Variants in PDE1A observed in about 807,000 individuals in gnomAD.
PDE1A encodes the protein phosphodiesterase 1A.
PDE1A carries 35 observed loss-of-function variants against 61.7 expected under a neutral mutation model. The observed-to-expected ratio is 0.57, with a 90% CI of 0.43 to 0.75. PDE1A has a LOEUF of 0.75. Among genes scored for constraint, PDE1A ranks in the 30% least tolerant of loss-of-function variants. The probability of loss-of-function intolerance (pLI) is 0.00; values close to 1 mark genes in which losing one functional copy is unlikely to be tolerated. For missense variants in PDE1A, 597 were observed against 630.6 expected (o/e 0.95, Z 0.57); for synonymous variants, 232 against 213.2 (o/e 1.09, Z -0.77).
the PDE1A span, among the ~76,000 whole-genome samples, chr2:182,690,880 C>G: frequency 3.3e-5 from 5 of 152,064 alleles, no homozygotes; most frequent in East Asian, 1.9e-4. Context: ...TCTTATACAC[C>G]AATAACAGAC....
At chr2:182,465,950 T>C (rs371018959) in intron 2 of PDE1A, among the ~76,000 whole-genome samples, 1 of 151,980 alleles carries the variant, frequency 6.6e-6, no homozygotes. Flanking sequence ...TTTGTAAAAA[T>C]AAATAAAATT....
At chr2:182,587,412 A>G in the PDE1A span, among the ~76,000 whole-genome samples, 6 of 152,186 alleles carry the variant, frequency 3.9e-5, no homozygotes, top group Admixed American at 1.3e-4. Context: ...TAACAGGTCC[A>G]ATACAGAGAC....
At chr2:182,583,802 C>T in the PDE1A span, among the ~76,000 whole-genome samples, 5 of 152,282 alleles carry the variant, frequency 3.3e-5, no homozygotes, top group East Asian at 5.8e-4. Context: ...TACAATGTTT[C>T]GCATGAATTT....
chr2:182,152,308 T>C (rs1376164325), intron 13 of PDE1A, among the ~76,000 whole-genome samples: 5 of 152,098 alleles, frequency 3.3e-5, no homozygotes, highest in Non-Finnish European at 7.4e-5. Context: ...GATATTCTGA[T>C]TTTAATTGGT....
At chr2:182,564,807 A>C in the PDE1A span, among the ~76,000 whole-genome samples, 445 of 152,098 alleles carry the variant, frequency 2.9e-3, 1 homozygote, top group African/African-American at 9.9e-3. Context: ...CTCATTTCAT[A>C]TTCCATCACT....
chr2:182,560,762 A>G, the PDE1A span, among the ~76,000 whole-genome samples: 105 of 151,824 alleles, frequency 6.9e-4, 2 homozygotes, highest in South Asian at 0.012. Flanking sequence ...CATTCTAACT[A>G]GTGTGAGATG....
intron 2 of PDE1A, among the ~76,000 whole-genome samples, chr2:182,461,669 T>C (rs966548524): frequency 6.6e-6 from 1 of 152,154 alleles, no homozygotes; most frequent in African/African-American, 2.4e-5. Context: ...TCAACCTGAC[T>C]TAAAGAAAGA....
At chr2:182,313,987 C>T (rs924494001) in intron 1 of PDE1A, among the ~76,000 whole-genome samples, 9 of 152,146 alleles carry the variant, frequency 5.9e-5, no homozygotes, top group East Asian at 1.9e-4. Flanking sequence ...GTTCTACTAA[C>T]GGTAAATATG....
rs189365527 is a variant in PDE1A, at chr2:182,188,642, A to G, written c.1207+337T>C. The stretch of plus-strand genomic sequence containing the variant: ...AACAAGTGCACTAACATTTTCATTG[A>G]GTTGACCTATATATCTAAAGAATTA... On this transcript the variant is annotated intron_variant, in intron 11 of 13. Transcript: ENST00000351439. Among the ~76,000 whole-genome samples, 526 of 152,358 alleles carry G rather than the reference A, an allele frequency of 3.5e-3. 3 individuals carry two copies. The highest frequency in any genetic ancestry group is 0.012 in the African/African-American group (503 of 41,584).
At chr2:182,237,665 GA>G (rs1208888300) in intron 3 of PDE1A, among the ~76,000 whole-genome samples, 1 of 152,182 alleles carries the variant, frequency 6.6e-6, no homozygotes, top group Admixed American at 6.5e-5. Context: ...TAAGTGCTAG[GA>G]GGTAAACCAC....
At chr2:182,411,422 G>A (rs1162049863) in intron 1 of PDE1A, among the ~76,000 whole-genome samples, 1 of 152,106 alleles carries the variant, frequency 6.6e-6, no homozygotes. Context: ...CATTTGGGTG[G>A]TATTTTTGTT....
chr2:182,269,068 C>G (rs1692831808), intron 1 of PDE1A, among the ~76,000 whole-genome samples: 1 of 151,760 alleles, frequency 6.6e-6, no homozygotes, highest in African/African-American at 2.4e-5. Flanking sequence ...TGTTATTATA[C>G]AAATAAAATA....
intron 1 of PDE1A, among the ~76,000 whole-genome samples, chr2:182,369,720 C>A (rs1700024206): frequency 1.3e-5 from 2 of 151,718 alleles, no homozygotes; most frequent in South Asian, 4.2e-4. Flanking sequence ...GGAGGAGGTC[C>A]ATTGATATGG....
chr2:182,587,725 A>G, the PDE1A span, among the ~76,000 whole-genome samples: 9 of 152,164 alleles, frequency 5.9e-5, no homozygotes, highest in Non-Finnish European at 8.8e-5. Flanking sequence ...ATCTAGTTAT[A>G]TTTGTCTAGA....
At chr2:182,388,021 G>A (rs571427029) in intron 1 of PDE1A, among the ~76,000 whole-genome samples, 1 of 152,076 alleles carries the variant, frequency 6.6e-6, no homozygotes, top group East Asian at 1.9e-4. Context: ...CCAAAAAAGA[G>A]CAGGAGTAAC....
chr2:182,652,968 C>T, the PDE1A span, among the ~76,000 whole-genome samples: 4 of 152,152 alleles, frequency 2.6e-5, no homozygotes, highest in East Asian at 3.9e-4. Flanking sequence ...TGTCACCAGA[C>T]ATGGACACAC....
intron 1 of PDE1A, among the ~76,000 whole-genome samples, chr2:182,378,668 G>A (rs759018573): frequency 5.3e-5 from 8 of 152,084 alleles, no homozygotes; most frequent in Non-Finnish European, 8.8e-5. Context: ...AAAGCTTAAC[G>A]CTATTTAAGT....
the PDE1A span, among the ~76,000 whole-genome samples, chr2:182,652,038 T>TA: frequency 6.6e-6 from 1 of 152,220 alleles, no homozygotes; most frequent in Non-Finnish European, 1.5e-5. Context: ...GTATCAATTG[T>TA]AAAAATTTAT....
At chr2:182,614,291 G>A in the PDE1A span, among the ~76,000 whole-genome samples, 1 of 152,128 alleles carries the variant, frequency 6.6e-6, no homozygotes, top group Admixed American at 6.5e-5. Flanking sequence ...GGGAACCTAG[G>A]AGTATCCCTC....
Sources: allele counts gnomAD v4.1 joint callset (sites outside exome capture counted in the v4.1 genomes callset), GRCh38; gene constraint gnomAD v4.1.1; transcripts MANE v1.5; gene names NCBI Gene and HGNC (gene_info 2026-07-23, HGNC 2026-07-21).